CDH23: variants seen among roughly 807,000 people sequenced by gnomAD.
CDH23 encodes cadherin related 23, also known as cadherin-23.
CDH23 carries 189 observed loss-of-function variants against 317.1 expected under a neutral mutation model. That is an observed-to-expected ratio of 0.60 (90% CI 0.53 to 0.67). The LOEUF is 0.67. CDH23 is among the 30% of genes least tolerant of loss of function. The pLI is 0.00. For synonymous variants in CDH23, 1,839 were observed against 1,876.8 expected, an observed-to-expected ratio of 0.98 and a Z score of 0.52; for missense variants, 4,401 against 4,592.4, an observed-to-expected ratio of 0.96 and a Z score of 1.20.
At chr10:71,631,632 A>G (rs909170822) in intron 11 of CDH23, among the ~76,000 whole-genome samples, 1 of 152,260 alleles carries the variant, frequency 6.6e-6, no homozygotes, top group African/African-American at 2.4e-5. Context: ...TAACATTTAC[A>G]GAGCAGGTCT....
At chr10:71,577,674 A>G (rs1300161452) in intron 8 of CDH23, among the ~76,000 whole-genome samples, 1 of 152,108 alleles carries the variant, frequency 6.6e-6, no homozygotes, top group African/African-American at 2.4e-5. Flanking sequence ...GGATATGGGA[A>G]GGGGAAAGGG....
intron 3 of CDH23, 152 bp from the exon 4 acceptor site, chr10:71,509,930 C>G (rs1167424398): frequency 5.3e-6 from 4 of 761,882 alleles, no homozygotes; most frequent in African/African-American, 3.4e-5. Flanking sequence ...TCAGAGCTCC[C>G]AGATGCGCCA....
At chr10:71,596,664 C>T (rs1339841706) in intron 9 of CDH23, among the ~76,000 whole-genome samples, 2 of 152,298 alleles carry the variant, frequency 1.3e-5, no homozygotes, top group East Asian at 3.9e-4. Flanking sequence ...AGGAGAGGAG[C>T]TGAGGGTAGG....
chr10:71,483,059 A>G (rs1489156735), intron 3 of CDH23, among the ~76,000 whole-genome samples: 1 of 152,252 alleles, frequency 6.6e-6, no homozygotes, highest in Non-Finnish European at 1.5e-5. Context: ...AATGCTGTTC[A>G]GTGGCCCGTC....
intron 6 of CDH23, among the ~76,000 whole-genome samples, chr10:71,561,964 C>A (rs1369877848): frequency 6.6e-6 from 1 of 152,110 alleles, no homozygotes; most frequent in Non-Finnish European, 1.5e-5. Context: ...AAGACCACGG[C>A]TGCTCCTTTC....
intron 18 of CDH23, among the ~76,000 whole-genome samples, chr10:71,684,692 C>A (rs1864802269): frequency 1.3e-5 from 2 of 152,232 alleles, no homozygotes; most frequent in Non-Finnish European, 2.9e-5. Context: ...CCATGCATAG[C>A]AGCAGCCGCA....
intron 1 of CDH23, among the ~76,000 whole-genome samples, chr10:71,414,047 T>TTTTGTGTG (rs1554822117): frequency 1.4e-5 from 2 of 142,902 alleles, no homozygotes; most frequent in African/African-American, 2.6e-5. Flanking sequence ...CTCCTGGGTT[T>TTTTGTGTG]TGTGTGTGTG....
Position 71,521,456 on chromosome 10 carries a change from A to G in CDH23, c.429+10244A>G, listed in dbSNP as rs1403618671. ...TTCAGAAATCCATCCCATCCGTGTG[A>G]GGCTTTGAGCCCCTGGTGTTCCTGT... On this transcript the variant is annotated intron_variant, in intron 6 of 69. Coordinates refer to ENST00000224721, the MANE Select transcript of CDH23 (RefSeq NM_022124.6). Among the ~76,000 whole-genome samples, 4 of 152,170 alleles carry G rather than the reference A, an allele frequency of 2.6e-5. No individual in the cohort carries two copies. In the South Asian group the frequency reaches 6.2e-4, roughly 24 times the overall value.
At chr10:71,648,504 CAG>C (rs1449171902) in intron 14 of CDH23, among the ~76,000 whole-genome samples, 2 of 152,190 alleles carry the variant, frequency 1.3e-5, no homozygotes, top group African/African-American at 4.8e-5. Flanking sequence ...TTGCTTGGGA[CAG>C]AGTTTCCTCA....
chr10:71,667,392 G>GTGTGTGTGTA (rs756166579), intron 14 of CDH23, among the ~76,000 whole-genome samples: 3,799 of 101,810 alleles, frequency 0.037, 91 homozygotes, highest in South Asian at 0.049. Context: ...GTGTGTGTGT[G>GTGTGTGTGTA]TGTGCGCGTG....
chr10:71,545,913 A>T (rs904328964), intron 6 of CDH23, among the ~76,000 whole-genome samples: 1 of 152,144 alleles, frequency 6.6e-6, no homozygotes, highest in Non-Finnish European at 1.5e-5. Flanking sequence ...CCAGGGAGTG[A>T]CGGGCAATGC....
At chr10:71,471,052 T>C (rs1043994676) in intron 3 of CDH23, among the ~76,000 whole-genome samples, 4 of 152,202 alleles carry the variant, frequency 2.6e-5, no homozygotes, top group African/African-American at 9.7e-5. Context: ...TTAGCAGATA[T>C]ATGATTTGCA....
At chr10:71,723,957 C>A (rs754369494) in intron 28 of CDH23, 88 bp from the exon 29 acceptor site, 10 of 1,437,122 alleles carry the variant, frequency 7.0e-6, no homozygotes, top group Non-Finnish European at 9.6e-6. Context: ...GGGTAGGATG[C>A]GTGAAGGGAA....
chr10:71,514,331 G>A (rs1854157687), intron 6 of CDH23, among the ~76,000 whole-genome samples: 1 of 152,186 alleles, frequency 6.6e-6, no homozygotes, highest in African/African-American at 2.4e-5. Flanking sequence ...GTAATGGTGA[G>A]AACAGCCAGG....
intron 9 of CDH23, among the ~76,000 whole-genome samples, chr10:71,595,611 A>T (rs1351208182): frequency 6.6e-6 from 1 of 152,088 alleles, no homozygotes; most frequent in African/African-American, 2.4e-5. Context: ...GGGAATCTGC[A>T]GGTCCCAAAC....
At chr10:71,762,121 C>T in intron 38 of CDH23, 1 of 1,377,086 alleles carries the variant, frequency 7.3e-7, no homozygotes, top group East Asian at 2.5e-5. Context: ...TGCTACTTCC[C>T]AGCCACAGGC....
intron 38 of CDH23, among the ~76,000 whole-genome samples, chr10:71,772,000 T>TG (rs969570419): frequency 6.6e-6 from 1 of 152,198 alleles, no homozygotes; most frequent in Non-Finnish European, 1.5e-5. Context: ...GATGCTGGCT[T>TG]GCCTGCCTGC....
chr10:71,421,899 C>T (rs1049402657), intron 1 of CDH23, among the ~76,000 whole-genome samples: 1 of 151,708 alleles, frequency 6.6e-6, no homozygotes, highest in African/African-American at 2.4e-5. Flanking sequence ...TCGTGTGAAG[C>T]TTTTGGGTCA....
chr10:71,671,740 T>G (rs1864157645), intron 14 of CDH23, among the ~76,000 whole-genome samples: 1 of 152,146 alleles, frequency 6.6e-6, no homozygotes, highest in African/African-American at 2.4e-5. Context: ...GGGGCTGCTC[T>G]GGGAATACGA....
Sources: allele counts gnomAD v4.1 joint callset (sites outside exome capture counted in the v4.1 genomes callset), GRCh38; gene constraint gnomAD v4.1.1; transcripts MANE v1.5; gene names NCBI Gene and HGNC (gene_info 2026-07-23, HGNC 2026-07-21).